Variants in FAM227B observed in about 807,000 individuals in gnomAD.
The protein encoded by FAM227B is protein FAM227B.
Under a neutral mutation model 73.8 loss-of-function variants are expected in FAM227B, and 88 were observed. The ratio of observed to expected loss-of-function variants is 1.19; its 90% confidence interval spans 1.00 to 1.42. The LOEUF (loss-of-function observed/expected upper bound fraction) is 1.42. Ranked by LOEUF, FAM227B falls within the 40% of genes most tolerant of loss-of-function variation. FAM227B has a pLI of 0.00. For missense variants in FAM227B, 632 were observed against 590.9 expected (o/e 1.07, Z -0.72); for synonymous variants, 210 against 190.5 (o/e 1.10, Z -0.84).
chr15:49,616,971 T>C (rs1198696885), intron 1 of FAM227B, among the ~76,000 whole-genome samples: 2 of 152,196 alleles, frequency 1.3e-5, no homozygotes, highest in Non-Finnish European at 2.9e-5. Flanking sequence ...GAACCAGTTT[T>C]GGCCTTGTTG....
At chr15:49,480,336 A>T (rs922543258) in intron 11 of FAM227B, among the ~76,000 whole-genome samples, 6 of 152,022 alleles carry the variant, frequency 3.9e-5, no homozygotes, top group African/African-American at 1.5e-4. Context: ...TTTGAGACAG[A>T]GCCTCACTCC....
rs1032122346 is a variant in FAM227B, at chr15:49,335,610, G to A, written c.1272-114C>T. ...GTGACCTTCACTTTTCAGTAATGAA[G>A]AGTCTCAAGTATAAACATGAATATT... On this transcript the variant is annotated intron_variant, in intron 13 of 15. Coordinates refer to ENST00000299338, the MANE Select transcript of FAM227B (RefSeq NM_152647.3). 12 of 665,242 alleles carry A rather than the reference G, an allele frequency of 1.8e-5. 1 individual carries two copies. Among genetic ancestry groups the A allele is most frequent in the African/African-American group, 1.8e-4 (10 of 55,822 alleles). 41.2% of individuals were successfully genotyped at this position (665,242 alleles called of 1,614,324 possible). A position where few individuals can be genotyped will look rare whatever the true frequency, so the allele number is the denominator to read the frequency against.
At chr15:49,438,425 G>C (rs1289587430) in intron 11 of FAM227B, among the ~76,000 whole-genome samples, 1 of 151,674 alleles carries the variant, frequency 6.6e-6, no homozygotes, top group South Asian at 2.1e-4. Flanking sequence ...CCCAGTCTTT[G>C]ATACAGGGAT....
At chr15:49,517,221 T>C (rs962461013) in intron 10 of FAM227B, among the ~76,000 whole-genome samples, 4 of 152,180 alleles carry the variant, frequency 2.6e-5, no homozygotes, top group African/African-American at 9.6e-5. Context: ...CAATGAAAAT[T>C]TTAGTTGTGA....
At chr15:49,619,003 G>C (rs1424115141) in intron 1 of FAM227B, among the ~76,000 whole-genome samples, 1 of 152,156 alleles carries the variant, frequency 6.6e-6, no homozygotes, top group Non-Finnish European at 1.5e-5. Flanking sequence ...TGGCCAAATT[G>C]ATACATGTCA....
At chr15:49,521,042 G>C (rs1481055823) in intron 10 of FAM227B, among the ~76,000 whole-genome samples, 2 of 152,150 alleles carry the variant, frequency 1.3e-5, no homozygotes, top group African/African-American at 4.8e-5. Context: ...ACTTCCTGGG[G>C]GTACAGCACA....
intron 10 of FAM227B, among the ~76,000 whole-genome samples, chr15:49,509,957 T>C (rs902765295): frequency 6.6e-6 from 1 of 152,328 alleles, no homozygotes; most frequent in East Asian, 1.9e-4. Context: ...AGTGAAATTA[T>C]ATGTGAAACT....
chr15:49,390,163 G>C (rs2047123007), intron 11 of FAM227B, among the ~76,000 whole-genome samples: 1 of 151,934 alleles, frequency 6.6e-6, no homozygotes, highest in Non-Finnish European at 1.5e-5. Context: ...TTTCCGAGTG[G>C]AAGCTTTAAG....
chr15:49,345,495 C>G (rs2041343603), intron 13 of FAM227B, among the ~76,000 whole-genome samples: 1 of 152,164 alleles, frequency 6.6e-6, no homozygotes, highest in South Asian at 2.1e-4. Context: ...ACACTTATAA[C>G]TATAAATTTT....
chr15:49,384,281 C>T (rs2046735668), intron 11 of FAM227B, among the ~76,000 whole-genome samples: 1 of 152,028 alleles, frequency 6.6e-6, no homozygotes, highest in Non-Finnish European at 1.5e-5. Flanking sequence ...CTCAATTTCT[C>T]AAGGGTATTT....
chr15:49,412,522 T>A (rs2048938806), intron 11 of FAM227B, among the ~76,000 whole-genome samples: 1 of 152,028 alleles, frequency 6.6e-6, no homozygotes, highest in Non-Finnish European at 1.5e-5. Context: ...TTTCTCAGTG[T>A]CACAAGAATT....
chr15:49,355,553 A>G (rs1469575464), intron 13 of FAM227B, among the ~76,000 whole-genome samples: 6 of 152,212 alleles, frequency 3.9e-5, no homozygotes, highest in Admixed American at 1.3e-4. Flanking sequence ...AAGAATAAAA[A>G]GAAATGAGCA....
At chr15:49,480,386 C>T (rs184071244) in intron 11 of FAM227B, among the ~76,000 whole-genome samples, 1 of 152,024 alleles carries the variant, frequency 6.6e-6, no homozygotes, top group African/African-American at 2.4e-5. Context: ...CGGCTCATTG[C>T]AACCTCTGCC....
chr15:49,511,009 A>G (rs113286841), intron 10 of FAM227B, among the ~76,000 whole-genome samples: 64 of 151,754 alleles, frequency 4.2e-4, no homozygotes, highest in African/African-American at 1.5e-3. Context: ...CTGAGGACTC[A>G]CAATTTACTG....
intron 13 of FAM227B, among the ~76,000 whole-genome samples, chr15:49,337,430 C>A (rs2039912602): frequency 7.0e-6 from 1 of 143,670 alleles, no homozygotes; most frequent in Non-Finnish European, 1.5e-5. Context: ...GTTTGCATTT[C>A]TCTGCTGACG....
chr15:49,373,154 T>A (rs2045953520), intron 11 of FAM227B, among the ~76,000 whole-genome samples: 1 of 151,996 alleles, frequency 6.6e-6, no homozygotes, highest in African/African-American at 2.4e-5. Context: ...AAAGAACCTC[T>A]CCATGTTCAC....
intron 11 of FAM227B, among the ~76,000 whole-genome samples, chr15:49,390,141 T>C (rs2047120841): frequency 6.6e-6 from 1 of 152,054 alleles, no homozygotes; most frequent in Non-Finnish European, 1.5e-5. Context: ...TGAGCTCAAA[T>C]GAAATGTGTC....
rs555695591 is a variant in FAM227B, at chr15:49,367,772, G to GAGTC, written c.1111-168_1111-165dup. 4.3e-5 allele frequency: 25 copies of GAGTC among 574,912 alleles called. No individual in the cohort carries two copies. The East Asian group carries it at 7.6e-4, about 17-fold the overall frequency. The allele number at this position is 574,912 out of a possible 1,614,324, so 35.6% of individuals were successfully genotyped here. A position where few individuals can be genotyped will look rare whatever the true frequency, so the allele number is the denominator to read the frequency against. On this transcript the variant is annotated intron_variant, in intron 12 of 15. Transcript: ENST00000299338. ...TAATTAGAGGAATTTACCAAAGTAT[G>GAGTC]AGTCTATAAGTACATGCAGTAAGGC...
chr15:49,497,395 G>A (rs773343998), intron 11 of FAM227B, among the ~76,000 whole-genome samples: 69 of 152,106 alleles, frequency 4.5e-4, no homozygotes, highest in Non-Finnish European at 8.8e-5. Flanking sequence ...GCAGGATATG[G>A]AAGCTCTCAG....
Sources: allele counts gnomAD v4.1 joint callset (sites outside exome capture counted in the v4.1 genomes callset), GRCh38; gene constraint gnomAD v4.1.1; transcripts MANE v1.5; gene names NCBI Gene and HGNC (gene_info 2026-07-23, HGNC 2026-07-21).